Variants in WDPCP observed in about 807,000 individuals in gnomAD.
The protein encoded by WDPCP is WD repeat containing planar cell polarity effector.
In WDPCP, 71 loss-of-function variants were observed where a neutral mutation model predicts 93.1. The ratio of observed to expected loss-of-function variants is 0.76; its 90% CI spans 0.63 to 0.93. WDPCP has a LOEUF of 0.93. Among genes scored for constraint, WDPCP ranks in the 40% least tolerant of loss-of-function variants. WDPCP has a pLI of 0.00. For missense variants in WDPCP, 844 were observed against 887.4 expected (o/e 0.95, Z 0.62); for synonymous variants, 315 against 315.0 (o/e 1.00, Z 0.00).
intron 1 of WDPCP, among the ~76,000 whole-genome samples, chr2:63,537,564 T>C (rs1704384652): frequency 6.6e-6 from 1 of 152,214 alleles, no homozygotes; most frequent in South Asian, 2.1e-4. Flanking sequence ...CTATGAGTCA[T>C]ACCATGTTCC....
intron 12 of WDPCP, among the ~76,000 whole-genome samples, chr2:63,325,465 T>G (rs1687460928): frequency 6.6e-6 from 1 of 152,166 alleles, no homozygotes; most frequent in South Asian, 2.1e-4. Flanking sequence ...TCACCCTCAC[T>G]GAGCCCCAGG....
At chr2:63,584,277 C>A (rs991631188) in intron 1 of WDPCP, among the ~76,000 whole-genome samples, 4 of 152,106 alleles carry the variant, frequency 2.6e-5, no homozygotes, top group African/African-American at 4.8e-5. Flanking sequence ...CAACCACTAT[C>A]CTGAATTCTG....
intron 9 of WDPCP, among the ~76,000 whole-genome samples, chr2:63,408,691 G>C (rs1057334998): frequency 5.3e-5 from 8 of 152,184 alleles, no homozygotes. Flanking sequence ...CCTGGAAACA[G>C]ACTTGGGACT....
chr2:63,361,689 ATTCT>A (rs532935106), intron 12 of WDPCP, among the ~76,000 whole-genome samples: 1 of 152,268 alleles, frequency 6.6e-6, no homozygotes, highest in South Asian at 2.1e-4. Context: ...CACTAGCCTG[ATTCT>A]TTCATTTGTT....
chr2:63,819,168 C>G (rs1670982555), intron 1 of WDPCP, among the ~76,000 whole-genome samples: 1 of 152,116 alleles, frequency 6.6e-6, no homozygotes. Context: ...GCTCTGGGTT[C>G]AAATCTTGGT....
rs1469392574 is a variant in WDPCP at position 63,766,409 on chromosome 2, A to T, written n.308+47213T>A. Among the ~76,000 whole-genome samples the T allele has an allele frequency of 3.3e-5, 5 of 152,004 alleles. No individual in the cohort carries two copies. In the South Asian group the frequency reaches 1.0e-3, roughly 32 times the overall value. On this transcript the variant is annotated intron_variant and non_coding_transcript_variant, in intron 2 of 4. Coordinates refer to the WDPCP transcript ENST00000467687. The stretch of plus-strand genomic sequence containing the variant: ...CAGTGGCATGATCATAACTTACTGA[A>T]GCCTTGAATTCCTGGGTTCAAACGA...
At chr2:63,551,845 G>A (rs1285577094) in intron 1 of WDPCP, among the ~76,000 whole-genome samples, 1 of 151,642 alleles carries the variant, frequency 6.6e-6, no homozygotes, top group Non-Finnish European at 1.5e-5. Context: ...TTTTTATAAT[G>A]TGCCAGATTT....
At chr2:63,173,175 G>A (rs1391834770) in intron 15 of WDPCP, among the ~76,000 whole-genome samples, 2 of 151,860 alleles carry the variant, frequency 1.3e-5, no homozygotes, top group African/African-American at 4.8e-5. Context: ...GGGTGAAGCA[G>A]GAGAGTCGCG....
At chr2:63,826,785 GTTAAAC>G (rs1434481354) in intron 1 of WDPCP, among the ~76,000 whole-genome samples, 1 of 152,072 alleles carries the variant, frequency 6.6e-6, no homozygotes, top group African/African-American at 2.4e-5. Context: ...ATGCTATACA[GTTAAAC>G]TTAAAAAATA....
chr2:63,530,703 T>C (rs1226777157), intron 1 of WDPCP, among the ~76,000 whole-genome samples: 1 of 152,188 alleles, frequency 6.6e-6, no homozygotes, highest in Non-Finnish European at 1.5e-5. Context: ...AATTGTTGGT[T>C]TGAAAATATG....
At chr2:63,140,084 TTA>T (rs1188962797) in intron 17 of WDPCP, among the ~76,000 whole-genome samples, 2 of 152,146 alleles carry the variant, frequency 1.3e-5, no homozygotes, top group Non-Finnish European at 1.5e-5. Flanking sequence ...TTTCCCCACT[TTA>T]TGTTTTTGTT....
intron 1 of WDPCP, among the ~76,000 whole-genome samples, chr2:63,524,051 T>C (rs892427966): frequency 1.3e-5 from 2 of 152,194 alleles, no homozygotes; most frequent in Non-Finnish European, 2.9e-5. Context: ...GGAATAAAGC[T>C]GACCAGAGAA....
chr2:63,192,808 G>C (rs1320991385), intron 14 of WDPCP, among the ~76,000 whole-genome samples: 1 of 152,118 alleles, frequency 6.6e-6, no homozygotes, highest in Non-Finnish European at 1.5e-5. Flanking sequence ...TCTTTTGTTG[G>C]CTTTGTGCCT....
chr2:63,606,149 AG>A, intron 3 of WDPCP: 1 of 935,452 alleles, frequency 1.1e-6, no homozygotes, highest in South Asian at 1.4e-5. Context: ...TGGAAGGGCA[AG>A]GTGGCAAGAT....
At chr2:63,429,691 AT>A (rs1696584059) in intron 9 of WDPCP, among the ~76,000 whole-genome samples, 1 of 152,048 alleles carries the variant, frequency 6.6e-6, no homozygotes, top group Admixed American at 6.6e-5. Flanking sequence ...AATAACAGAA[AT>A]TGGTGACGCT....
In WDPCP at chr2:63,338,570, ATATATATATAT is replaced by A. The variant is rs1352130296; in HGVS notation, c.1749-25270_1749-25260del. Among the ~76,000 whole-genome samples the A allele has an allele frequency of 2.4e-3, 13 of 5,316 alleles. 1 individual carries two copies. Among genetic ancestry groups the A allele is most frequent in the Admixed American group, 0.017 (5 of 298 alleles). 3.5% of individuals were successfully genotyped at this position (5,316 alleles called of 152,430 possible). On this transcript the variant is annotated intron_variant, in intron 12 of 17. Coordinates refer to ENST00000272321, the MANE Select transcript of WDPCP (RefSeq NM_015910.7). The stretch of plus-strand genomic sequence containing the variant: ...TCCATCTAAAAAAAAAAAAAAAAAA[ATATATATATAT>A]ATATATATATATATATATATATATA...
chr2:63,122,749 A>C (rs1236478616), intron 17 of WDPCP, among the ~76,000 whole-genome samples: 2 of 152,142 alleles, frequency 1.3e-5, no homozygotes, highest in Non-Finnish European at 2.9e-5. Flanking sequence ...ACCTACTTAG[A>C]GTTGAAATGG....
chr2:63,596,685 A>G (rs1558860116), intron 3 of WDPCP, among the ~76,000 whole-genome samples: 2 of 152,210 alleles, frequency 1.3e-5, no homozygotes, highest in Non-Finnish European at 2.9e-5. Context: ...CAACTAGCCA[A>G]TTTTCCAGTG....
intron 1 of WDPCP, among the ~76,000 whole-genome samples, chr2:63,493,615 G>A (rs1192847541): frequency 6.6e-6 from 1 of 151,332 alleles, no homozygotes; most frequent in Admixed American, 6.6e-5. Context: ...CAGGGGCTAG[G>A]GATGGACACT....
Sources: allele counts gnomAD v4.1 joint callset (sites outside exome capture counted in the v4.1 genomes callset), GRCh38; gene constraint gnomAD v4.1.1; transcripts MANE v1.5; gene names NCBI Gene and HGNC (gene_info 2026-07-23, HGNC 2026-07-21).